The following ERC2 variants were observed in gnomAD, a reference collection of about 807,000 sequenced individuals.
The protein encoded by ERC2 is ELKS/RAB6-interacting/CAST family member 2.
Under a neutral mutation model 114.8 loss-of-function variants are expected in ERC2, and 42 were observed. The ratio of observed to expected loss-of-function variants is 0.37; its 90% CI spans 0.29 to 0.47. The LOEUF (loss-of-function observed/expected upper bound fraction) is 0.47. ERC2 is among the 20% of genes least tolerant of loss of function. The pLI is 0.99. For missense variants in ERC2, 939 were observed against 1,150.7 expected (o/e 0.82, Z 2.66); for synonymous variants, 454 against 425.5 (o/e 1.07, Z -0.82).
intron 6 of ERC2, among the ~76,000 whole-genome samples, chr3:56,117,619 T>C (rs535038853): frequency 4.5e-4 from 69 of 152,254 alleles, no homozygotes; most frequent in African/African-American, 1.6e-3. Context: ...GTTGTGAAAA[T>C]AGCATGATGT....
chr3:55,839,906 T>G (rs13079185), intron 14 of ERC2, among the ~76,000 whole-genome samples: 45 of 151,784 alleles, frequency 3.0e-4, no homozygotes, highest in Non-Finnish European at 4.7e-4. Flanking sequence ...TCATACTGGA[T>G]AAAAAAGCAA....
chr3:55,901,774 C>T (rs981108258), intron 13 of ERC2, among the ~76,000 whole-genome samples: 1 of 152,228 alleles, frequency 6.6e-6, no homozygotes, highest in South Asian at 2.1e-4. Flanking sequence ...CATTCCCATA[C>T]TCTGAAGGAA....
At chr3:56,180,932 G>C (rs2083256484) in intron 3 of ERC2, among the ~76,000 whole-genome samples, 1 of 152,144 alleles carries the variant, frequency 6.6e-6, no homozygotes, top group African/African-American at 2.4e-5. Context: ...TCTTTTTCAT[G>C]CATGTTTTTG....
chr3:55,870,081 T>G (rs1022620356), intron 14 of ERC2, among the ~76,000 whole-genome samples: 1 of 118,908 alleles, frequency 8.4e-6, no homozygotes, highest in Admixed American at 8.1e-5. Context: ...AGAGTACAAT[T>G]TTTTTTTTTT....
chr3:56,312,257 T>C (rs1338553142), intron 2 of ERC2, among the ~76,000 whole-genome samples: 1 of 152,170 alleles, frequency 6.6e-6, no homozygotes, highest in Non-Finnish European at 1.5e-5. Flanking sequence ...ATTGTTGTCA[T>C]AATTTAAAGA....
At chr3:56,086,939 C>G (rs2077535859) in intron 6 of ERC2, among the ~76,000 whole-genome samples, 1 of 152,114 alleles carries the variant, frequency 6.6e-6, no homozygotes, top group East Asian at 1.9e-4. Context: ...GCCCTTGACT[C>G]TCTCTCTTAA....
At chr3:56,248,193 G>C (rs1039271990) in intron 3 of ERC2, among the ~76,000 whole-genome samples, 1 of 152,086 alleles carries the variant, frequency 6.6e-6, no homozygotes, top group African/African-American at 2.4e-5. Context: ...GGGCTCAAGA[G>C]ATCCTCCCAC....
intron 17 of ERC2, among the ~76,000 whole-genome samples, chr3:55,521,690 G>T (rs1265961545): frequency 2.6e-5 from 4 of 152,188 alleles, no homozygotes; most frequent in Non-Finnish European, 5.9e-5. Flanking sequence ...CCAGGACCCC[G>T]TGGCCTTGCT....
intron 17 of ERC2, among the ~76,000 whole-genome samples, chr3:55,621,618 A>C (rs1174879946): frequency 6.6e-6 from 1 of 152,202 alleles, no homozygotes; most frequent in Non-Finnish European, 1.5e-5. Flanking sequence ...TATAATGCAA[A>C]GTGTTAACAG....
chr3:56,366,772 G>A (rs558400435), intron 2 of ERC2, among the ~76,000 whole-genome samples: 3 of 152,254 alleles, frequency 2.0e-5, no homozygotes, highest in South Asian at 2.1e-4. Flanking sequence ...TGTCTAAGCC[G>A]GCTTTACAGA....
intron 14 of ERC2, among the ~76,000 whole-genome samples, chr3:55,858,203 T>C (rs2061872631): frequency 6.6e-6 from 1 of 152,234 alleles, no homozygotes; most frequent in African/African-American, 2.4e-5. Flanking sequence ...AACATTTTAT[T>C]AGTTTGAACT....
intron 7 of ERC2, among the ~76,000 whole-genome samples, chr3:56,053,839 C>A (rs2075882380): frequency 6.6e-6 from 1 of 151,954 alleles, no homozygotes; most frequent in Admixed American, 6.6e-5. Context: ...ACCCTTAAAA[C>A]CAAAACTTCA....
At chr3:56,112,757 G>A (rs1399605290) in intron 6 of ERC2, among the ~76,000 whole-genome samples, 2 of 152,124 alleles carry the variant, frequency 1.3e-5, no homozygotes, top group African/African-American at 4.8e-5. Context: ...TAAAGATAAA[G>A]ATAATATATG....
chr3:56,314,764 T>C (rs2056785093), intron 2 of ERC2, among the ~76,000 whole-genome samples: 1 of 152,182 alleles, frequency 6.6e-6, no homozygotes, highest in South Asian at 2.1e-4. Flanking sequence ...CTTTGTTTCT[T>C]TTTGCAGGAG....
intron 17 of ERC2, among the ~76,000 whole-genome samples, chr3:55,580,232 T>C (rs1051604774): frequency 1.2e-5 from 1 of 83,516 alleles, no homozygotes; most frequent in Non-Finnish European, 2.7e-5. Context: ...AGGAAGCATA[T>C]TTTTTTTTTT....
chr3:56,373,635 A>T (rs2059431400), intron 2 of ERC2, among the ~76,000 whole-genome samples: 1 of 152,230 alleles, frequency 6.6e-6, no homozygotes, highest in Non-Finnish European at 1.5e-5. Flanking sequence ...GCAAAGGGCC[A>T]AACAGTAAAT....
intron 4 of ERC2, among the ~76,000 whole-genome samples, chr3:56,152,264 T>C (rs1174681352): frequency 6.6e-6 from 1 of 152,158 alleles, no homozygotes; most frequent in Non-Finnish European, 1.5e-5. Context: ...TTTATCACAG[T>C]ATTACTGCCT....
intron 14 of ERC2, among the ~76,000 whole-genome samples, chr3:55,814,480 A>G (rs1172906764): frequency 6.6e-6 from 1 of 152,178 alleles, no homozygotes; most frequent in Non-Finnish European, 1.5e-5. Context: ...TTATTTTTAC[A>G]TTTTGAAGTA....
chr3:55,661,565 A>C (rs938419411), intron 17 of ERC2, among the ~76,000 whole-genome samples: 8 of 152,162 alleles, frequency 5.3e-5, no homozygotes, highest in African/African-American at 1.9e-4. Context: ...GGCTAATGTC[A>C]TGACATTGGG....
Sources: gnomAD v4.1 joint callset for allele counts (sites outside exome capture counted in the v4.1 genomes callset) on GRCh38, gnomAD v4.1.1 for gene constraint, MANE v1.5 for transcripts, NCBI Gene and HGNC (gene_info 2026-07-23, HGNC 2026-07-21) for gene names.